TNFSF4: variants seen among roughly 807,000 people sequenced by gnomAD.
TNFSF4 encodes TNF superfamily member 4.
Under a neutral mutation model 7.3 loss-of-function variants are expected in TNFSF4, and 4 were observed. The observed-to-expected ratio is 0.55, with a 90% CI of 0.27 to 1.25. TNFSF4 has a LOEUF of 1.25. Ranked by LOEUF, TNFSF4 falls within the 50% of genes most tolerant of loss-of-function variation. The probability of loss-of-function intolerance (pLI) is 0.12; values close to 1 mark genes in which losing one functional copy is unlikely to be tolerated. For missense variants in TNFSF4, 181 were observed against 208.8 expected, an observed-to-expected ratio of 0.87 and a Z score of 0.82; for synonymous variants, 76 against 83.7, an observed-to-expected ratio of 0.91 and a Z score of 0.50.
the TNFSF4 span, among the ~76,000 whole-genome samples, chr1:173,291,046 T>C: frequency 8.5e-5 from 13 of 152,130 alleles, no homozygotes; most frequent in Admixed American, 8.5e-4. Context: ...GAAATACCTG[T>C]GGCTGAGTAA....
At chr1:173,260,642 C>A in the TNFSF4 span, among the ~76,000 whole-genome samples, 1 of 151,872 alleles carries the variant, frequency 6.6e-6, no homozygotes, top group Non-Finnish European at 1.5e-5. Flanking sequence ...AAGGGATGGA[C>A]GAATATTTAT....
At chr1:173,295,255 T>A in the TNFSF4 span, among the ~76,000 whole-genome samples, 1 of 151,954 alleles carries the variant, frequency 6.6e-6, no homozygotes. Flanking sequence ...CCAGGAGAAA[T>A]GCAAACACAT....
the TNFSF4 span, among the ~76,000 whole-genome samples, chr1:173,384,921 TG>T: frequency 1.3e-5 from 2 of 152,232 alleles, no homozygotes; most frequent in Non-Finnish European, 2.9e-5. Flanking sequence ...TTCATAAAAA[TG>T]GGTATATAGT....
chr1:173,333,569 T>C, the TNFSF4 span, among the ~76,000 whole-genome samples: 1 of 151,934 alleles, frequency 6.6e-6, no homozygotes, highest in Non-Finnish European at 1.5e-5. Flanking sequence ...TAGAACACTA[T>C]TCCCATCATA....
the TNFSF4 span, among the ~76,000 whole-genome samples, chr1:173,343,734 T>C: frequency 6.6e-6 from 1 of 152,176 alleles, no homozygotes; most frequent in South Asian, 2.1e-4. Context: ...AGGTACTTAA[T>C]AAGTGCTCAC....
the TNFSF4 span, among the ~76,000 whole-genome samples, chr1:173,306,931 TC>T: frequency 4.0e-5 from 6 of 151,838 alleles, no homozygotes; most frequent in Admixed American, 2.0e-4. Flanking sequence ...CAGATACTAG[TC>T]CCTGCACCCC....
chr1:173,353,465 G>A, the TNFSF4 span, among the ~76,000 whole-genome samples: 34 of 152,298 alleles, frequency 2.2e-4, no homozygotes, highest in East Asian at 7.7e-4. Context: ...TCCTGTGTGC[G>A]TGTGCATGTG....
the TNFSF4 span, among the ~76,000 whole-genome samples, chr1:173,355,094 A>T: frequency 1.3e-5 from 2 of 152,074 alleles, no homozygotes; most frequent in African/African-American, 4.8e-5. Context: ...AGCCACCCAC[A>T]TCCCTTGGCT....
At chr1:173,330,059 G>T in the TNFSF4 span, among the ~76,000 whole-genome samples, 2 of 151,850 alleles carry the variant, frequency 1.3e-5, no homozygotes, top group Non-Finnish European at 2.9e-5. Context: ...GAGTAACACT[G>T]GTACTTTCAA....
At chr1:173,398,277 A>G in the TNFSF4 span, among the ~76,000 whole-genome samples, 2 of 152,206 alleles carry the variant, frequency 1.3e-5, no homozygotes, top group Admixed American at 1.3e-4. Flanking sequence ...ATACTGATCC[A>G]TTACATTGAG....
chr1:173,262,759 C>T, the TNFSF4 span, among the ~76,000 whole-genome samples: 86,242 of 151,674 alleles, frequency 0.57, 26,742 homozygotes, highest in African/African-American at 0.83. Flanking sequence ...CCTGCCACCG[C>T]GCCTGGCTAA....
At chr1:173,426,864 G>A in the TNFSF4 span, among the ~76,000 whole-genome samples, 1 of 152,066 alleles carries the variant, frequency 6.6e-6, no homozygotes, top group Admixed American at 6.6e-5. Context: ...AAAGTGTTAG[G>A]ATTACAGGCG....
At chr1:173,241,925 C>T in the TNFSF4 span, among the ~76,000 whole-genome samples, 1 of 152,194 alleles carries the variant, frequency 6.6e-6, no homozygotes, top group African/African-American at 2.4e-5. Context: ...TTGCGTGAGA[C>T]TCTGTTAAGA....
the TNFSF4 span, among the ~76,000 whole-genome samples, chr1:173,248,905 CT>C: frequency 1.3e-5 from 2 of 152,048 alleles, no homozygotes; most frequent in East Asian, 3.9e-4. Context: ...TCTATGAAAA[CT>C]TTTAAAGGTT....
chr1:173,370,875 C>G, the TNFSF4 span, among the ~76,000 whole-genome samples: 1 of 152,172 alleles, frequency 6.6e-6, no homozygotes, highest in African/African-American at 2.4e-5. Context: ...GCCAATCACC[C>G]AGTAGGGCTT....
At chr1:173,367,212 C>A in the TNFSF4 span, among the ~76,000 whole-genome samples, 1 of 152,222 alleles carries the variant, frequency 6.6e-6, no homozygotes. Context: ...ACTGCAAGGA[C>A]TTTCCACAGA....
chr1:173,417,668 T>C, the TNFSF4 span: 1 of 152,102 alleles, frequency 6.6e-6, no homozygotes. Flanking sequence ...AAAGATGAGA[T>C]CTCACCTCCG....
rs773181970 is a variant in TNFSF4, at chr1:173,188,501, A to C, written c.202+20T>G. 1.3e-6 allele frequency: 2 copies of C among 1,583,538 alleles called. No homozygotes were observed. Among genetic ancestry groups the C allele is most frequent in the Non-Finnish European group, 1.7e-6 (2 of 1,153,690 alleles). The stretch of plus-strand genomic sequence containing the variant: ...ATTCTTTCAAAAATATGAATCAATT[A>C]AACTTTTGACAATACTTACCGGTAA... On this transcript the variant is annotated intron_variant, in intron 2 of 2. Coordinates refer to ENST00000281834, the MANE Select transcript of TNFSF4 (RefSeq NM_003326.5).
chr1:173,419,018 G>A, the TNFSF4 span, among the ~76,000 whole-genome samples: 686 of 152,310 alleles, frequency 4.5e-3, 3 homozygotes, highest in Middle Eastern at 0.014. Context: ...TGGCCCCCAC[G>A]GTGGGGCTGG....
Sources: gnomAD v4.1 joint callset for allele counts (sites outside exome capture counted in the v4.1 genomes callset) on GRCh38, gnomAD v4.1.1 for gene constraint, MANE v1.5 for transcripts, NCBI Gene and HGNC (gene_info 2026-07-23, HGNC 2026-07-21) for gene names.